Variants in KAZN observed in about 807,000 individuals in gnomAD.
KAZN encodes the protein kazrin, periplakin interacting protein.
In KAZN, 40 loss-of-function variants were observed where a neutral mutation model predicts 87.4. That is an observed-to-expected ratio of 0.46 (90% CI 0.36 to 0.60). The LOEUF is 0.60. KAZN is among the 20% of genes least tolerant of loss of function. KAZN has a pLI of 0.00. For synonymous variants in KAZN, 466 were observed against 458.3 expected (o/e 1.02, Z -0.22); for missense variants, 898 against 1,073.9 (o/e 0.84, Z 2.29).
At chr1:13,981,730 A>C (rs1638718141) in intron 1 of KAZN, among the ~76,000 whole-genome samples, 1 of 152,194 alleles carries the variant, frequency 6.6e-6, no homozygotes, top group African/African-American at 2.4e-5. Flanking sequence ...GTATGAATGA[A>C]AGAGAGGTCA....
intron 1 of KAZN, among the ~76,000 whole-genome samples, chr1:14,790,487 G>A (rs929022710): frequency 3.3e-5 from 5 of 152,172 alleles, no homozygotes; most frequent in Non-Finnish European, 5.9e-5. Context: ...ACAATTCAGC[G>A]ATTTTTAGTA....
chr1:14,405,892 C>T (rs1177075326), intron 2 of KAZN, among the ~76,000 whole-genome samples: 1 of 151,996 alleles, frequency 6.6e-6, no homozygotes, highest in African/African-American at 2.4e-5. Context: ...TCTATCCATG[C>T]CTCCAAGGAA....
chr1:14,389,937 A>G (rs1005957252), intron 2 of KAZN, among the ~76,000 whole-genome samples: 8 of 152,234 alleles, frequency 5.3e-5, no homozygotes, highest in Non-Finnish European at 1.0e-4. Context: ...ACCATTATGC[A>G]TTGCATGCCT....
At chr1:14,639,676 T>C (rs1380747495) in intron 1 of KAZN, among the ~76,000 whole-genome samples, 1 of 152,276 alleles carries the variant, frequency 6.6e-6, no homozygotes, top group South Asian at 2.1e-4. Context: ...CCATCTCTAC[T>C]GTTTCTCCTC....
At chr1:14,187,081 T>C (rs1365084636) in intron 2 of KAZN, among the ~76,000 whole-genome samples, 1 of 152,190 alleles carries the variant, frequency 6.6e-6, no homozygotes, top group African/African-American at 2.4e-5. Flanking sequence ...TTGGGTATTA[T>C]TATCTCTATT....
intron 2 of KAZN, among the ~76,000 whole-genome samples, chr1:14,557,621 T>C (rs896337227): frequency 2.4e-5 from 2 of 84,788 alleles, no homozygotes; most frequent in African/African-American, 8.4e-5. Flanking sequence ...ACCAATAGGG[T>C]GTGTGTGGGT....
Position 14,048,656 on chromosome 1 carries a change from C to T in KAZN, c.92-131779C>T, listed in dbSNP as rs542044993. 1.2e-4 allele frequency among the ~76,000 whole-genome samples: 18 copies of T among 152,268 alleles called. No homozygotes were observed. The South Asian group carries it at 3.3e-3, about 28-fold the overall frequency. On this transcript the variant is annotated intron_variant, in intron 1 of 16. Transcript: ENST00000636203. Reference sequence around the variant, plus strand: ...TGACCTTAGGTGATCCCACCCACCTCGGCCTCTCAAAGTGCTGGGATTACA... The same window carrying T: ...TGACCTTAGGTGATCCCACCCACCTTGGCCTCTCAAAGTGCTGGGATTACA...
chr1:14,464,038 T>A (rs1667986887), intron 2 of KAZN, among the ~76,000 whole-genome samples: 1 of 152,208 alleles, frequency 6.6e-6, no homozygotes, highest in African/African-American at 2.4e-5. Context: ...GGGAATTCTG[T>A]CTTGACCAAG....
chr1:14,701,209 C>A (rs1427939255), intron 1 of KAZN, among the ~76,000 whole-genome samples: 1 of 152,218 alleles, frequency 6.6e-6, no homozygotes, highest in Non-Finnish European at 1.5e-5. Flanking sequence ...TAAGCCCAAC[C>A]TCCTGGGCTT....
At chr1:14,944,519 G>C (rs1661513511) in intron 1 of KAZN, among the ~76,000 whole-genome samples, 1 of 152,178 alleles carries the variant, frequency 6.6e-6, no homozygotes, top group South Asian at 2.1e-4. Flanking sequence ...GGGGTCCTAG[G>C]GGGACACGAA....
chr1:14,979,870 C>A (rs1666054710), intron 2 of KAZN, among the ~76,000 whole-genome samples: 2 of 152,114 alleles, frequency 1.3e-5, no homozygotes, highest in South Asian at 2.1e-4. Context: ...ACGGTAAGTA[C>A]CTATTTATTT....
intron 8 of KAZN, among the ~76,000 whole-genome samples, chr1:15,069,159 G>A (rs887878869): frequency 6.6e-6 from 1 of 152,048 alleles, no homozygotes; most frequent in East Asian, 1.9e-4. Context: ...GTGGCCACAC[G>A]CATGCCCCTA....
chr1:14,356,590 G>T lies in KAZN; in HGVS notation c.249+175998G>T, dbSNP rs191270295. On this transcript the variant is annotated intron_variant, in intron 2 of 16. Transcript: ENST00000636203. ...CATTTAAGTCTTTAATCCATCTTGA[G>T]TTATTTTTTGTATAAGGTGTAAGGA... Among the ~76,000 whole-genome samples, 444 of 152,150 alleles carry T rather than the reference G, an allele frequency of 2.9e-3. 4 individuals are homozygous for T. The highest frequency in any genetic ancestry group is 0.01 in the African/African-American group (427 of 41,518).
intron 2 of KAZN, among the ~76,000 whole-genome samples, chr1:14,993,781 A>T (rs1254625573): frequency 6.6e-6 from 1 of 152,194 alleles, no homozygotes; most frequent in Non-Finnish European, 1.5e-5. Context: ...AGGGGTCACA[A>T]GCCCACACGT....
At chr1:14,860,278 A>C (rs1650685082) in intron 1 of KAZN, among the ~76,000 whole-genome samples, 1 of 151,198 alleles carries the variant, frequency 6.6e-6, no homozygotes, top group African/African-American at 2.4e-5. Flanking sequence ...TGCAACCTCC[A>C]CCTCCCAGGT....
chr1:14,624,448 A>C (rs980144396), intron 1 of KAZN, among the ~76,000 whole-genome samples: 9 of 152,088 alleles, frequency 5.9e-5, no homozygotes, highest in African/African-American at 1.7e-4. Flanking sequence ...AACAAAAAAA[A>C]CCACTAACTA....
At chr1:15,106,961 G>C (rs573550234) in intron 13 of KAZN, among the ~76,000 whole-genome samples, 1 of 152,116 alleles carries the variant, frequency 6.6e-6, no homozygotes, top group Non-Finnish European at 1.5e-5. Context: ...GGGATCGGAG[G>C]AGTCAAAACA....
In KAZN at chr1:14,736,254, GGTGTGT is replaced by G. The variant is rs528070001; in HGVS notation, c.226+137072_226+137077del. On this transcript the variant is annotated intron_variant, in intron 1 of 14. Coordinates refer to ENST00000376030, the MANE Select transcript of KAZN (RefSeq NM_201628.3). The stretch of plus-strand genomic sequence containing the variant: ...TGTTGGGGCTCATGTGGGACTCAAG[GGTGTGT>G]GTGTGTGTGTGTGTGTGTGTGTGTG... Among the ~76,000 whole-genome samples the G allele has an allele frequency of 7.2e-3, 834 of 115,276 alleles. 5 individuals carry two copies. Among genetic ancestry groups the G allele is most frequent in the African/African-American group, 0.018 (572 of 31,140 alleles). 75.6% of individuals were successfully genotyped at this position (115,276 alleles called of 152,430 possible).
At chr1:14,000,112 C>T (rs1639713421) in intron 1 of KAZN, among the ~76,000 whole-genome samples, 1 of 152,128 alleles carries the variant, frequency 6.6e-6, no homozygotes, top group Admixed American at 6.5e-5. Flanking sequence ...CTGAATTCTA[C>T]CAGAGGTACA....
Sources: gnomAD v4.1 joint callset for allele counts (sites outside exome capture counted in the v4.1 genomes callset) on GRCh38, gnomAD v4.1.1 for gene constraint, MANE v1.5 for transcripts, NCBI Gene and HGNC (gene_info 2026-07-23, HGNC 2026-07-21) for gene names.